FAM222A: variants seen among roughly 807,000 people sequenced by gnomAD.
FAM222A encodes protein FAM222A.
A neutral mutation model predicts 25.8 loss-of-function variants in FAM222A; 7 were observed. The ratio of observed to expected loss-of-function variants is 0.27; its 90% CI spans 0.15 to 0.51. The LOEUF (loss-of-function observed/expected upper bound fraction) is 0.51, where lower values mean the gene tolerates loss of function less well. Among genes scored for constraint, FAM222A ranks in the 20% least tolerant of loss-of-function variants. The probability of loss-of-function intolerance (pLI) is 0.97; values close to 1 mark genes in which losing one functional copy is unlikely to be tolerated. For missense variants in FAM222A, 573 were observed against 640.5 expected, an observed-to-expected ratio of 0.89 and a Z score of 1.14; for synonymous variants, 294 against 298.8, an observed-to-expected ratio of 0.98 and a Z score of 0.17.
intron 1 of FAM222A, among the ~76,000 whole-genome samples, chr12:109,715,617 C>T (rs766097809): frequency 3.3e-5 from 5 of 152,158 alleles, no homozygotes; most frequent in Non-Finnish European, 7.4e-5. Flanking sequence ...AGTCCTCTGA[C>T]CTAAATCCTT....
chr12:109,768,976 G>T lies in FAM222A; in HGVS notation c.1047G>T (p.Trp349Cys). 6.4e-7 allele frequency: 1 copy of T among 1,572,430 alleles called. No homozygotes were observed. The highest frequency in any genetic ancestry group is 1.2e-5 in the South Asian group (1 of 86,942). Residue 349 changes from tryptophan to cysteine, a missense_variant, in exon 3 of 3, where the codon TGG (tryptophan) becomes TGT (cysteine). Around this residue, in one of 3 missense-constraint regions of FAM222A, gnomAD observed 412 missense variants for 407.0 expected, o/e 1.01. Transcript: ENST00000538780. Reference sequence around the variant, plus strand: ...TAGGCCAGTACTTTGCGGCCCCGTGGAACAGTGTGCTGGTGACACCCACCA... The same window carrying T: ...TAGGCCAGTACTTTGCGGCCCCGTGTAACAGTGTGCTGGTGACACCCACCA... ...FTVGQYFAAPWNSVLVTPTSD... is the reference protein window; with the variant it reads ...FTVGQYFAAPCNSVLVTPTSD...
rs1194304014 is a variant in FAM222A, at chr12:109,714,351, G to C, written c.-593G>C. ...GCCGGTGTATGTCCGGCGAGGAGCC[G>C]GGGCCGCTGCGGGTGCGTGCAACCC... On this transcript the variant is annotated 5_prime_UTR_variant, in exon 1 of 3. Transcript: ENST00000538780. The surrounding 1 kb of genome is among the most constrained non-coding windows in gnomAD (Gnocchi z 4.2). 2 of 153,388 alleles carry C rather than the reference G, an allele frequency of 1.3e-5. No individual in the cohort carries two copies. Among genetic ancestry groups the C allele is most frequent in the African/African-American group, 4.8e-5 (2 of 41,430 alleles). 9.5% of individuals were successfully genotyped at this position (153,388 alleles called of 1,614,324 possible). A position where few individuals can be genotyped will look rare whatever the true frequency, so the allele number is the denominator to read the frequency against.
chr12:109,716,484 C>G (rs564927786), intron 1 of FAM222A, among the ~76,000 whole-genome samples: 1 of 152,284 alleles, frequency 6.6e-6, no homozygotes, highest in South Asian at 2.1e-4. Context: ...CAATAAATAT[C>G]GGTGGAGCTG....
intron 1 of FAM222A, among the ~76,000 whole-genome samples, chr12:109,729,489 C>T (rs958158194): frequency 2.0e-5 from 3 of 152,220 alleles, no homozygotes. Flanking sequence ...GGAGGCAGGG[C>T]CTGAGCCCCA....
At position 109,769,177 on chromosome 12, in the gene FAM222A, C is replaced by T. The variant is rs1402273826; in HGVS notation, c.1248C>T (p.Ile416=). ...CACTGGAGTATCTCATCAACGACAT[C>T]CGGCCGCCCTGCATCAAGGAGCAGA... The part of the protein sequence containing the change: ...LQSLEYLIND[I]RPPCIKEQML... Residue 416 remains isoleucine, a synonymous_variant, in exon 3 of 3, where the codon ATC becomes ATT. Transcript: ENST00000538780. 6.2e-7 allele frequency: 1 copy of T among 1,612,562 alleles called. No homozygotes were observed.
At chr12:109,749,822 G>A (rs1177345018) in intron 2 of FAM222A, among the ~76,000 whole-genome samples, 1 of 152,102 alleles carries the variant, frequency 6.6e-6, no homozygotes, top group Non-Finnish European at 1.5e-5. Context: ...AGATAAAATT[G>A]AATCCAGGCC....
chr12:109,720,295 T>C, intron 1 of FAM222A: 1 of 608,648 alleles, frequency 1.6e-6, no homozygotes, highest in Non-Finnish European at 2.1e-6. Flanking sequence ...GGATGGGGAC[T>C]TAATGACGCA....
rs981702619 is a variant in FAM222A at position 109,769,434 on chromosome 12, G to A, written c.*146G>A. On this transcript the variant is annotated 3_prime_UTR_variant, in exon 3 of 3. Transcript: ENST00000538780. ...GGGGAGCCAGGCTGGCTGCCGCCTC[G>A]CTGTGGCCGGATGGAGGGTGGCAGG... 1.2e-4 allele frequency: 125 copies of A among 1,043,084 alleles called. No homozygotes were observed. The South Asian group carries it at 1.9e-3, about 15-fold the overall frequency. The allele number at this position is 1,043,084 out of a possible 1,614,324, so 64.6% of individuals were successfully genotyped here. A position where few individuals can be genotyped will look rare whatever the true frequency, so the allele number is the denominator to read the frequency against.
In FAM222A at chr12:109,726,706, T is replaced by C. The variant is rs369945410; in HGVS notation, c.-47+11809T>C. Among the ~76,000 whole-genome samples the C allele has an allele frequency of 2.0e-3, 311 of 152,202 alleles. 1 individual carries two copies. Among genetic ancestry groups the C allele is most frequent in the African/African-American group, 7.2e-3 (297 of 41,516 alleles). On this transcript the variant is annotated intron_variant, in intron 1 of 2. Coordinates refer to ENST00000538780, the MANE Select transcript of FAM222A (RefSeq NM_032829.3). ...GACCTTGCCGGGTGGAGGGTGAGAA[T>C]GGAGTGGTCTAGAAGCAGGTGCTGT... is the stretch of plus-strand genomic sequence containing the variant.
At chr12:109,751,607 T>A (rs1888561358) in intron 2 of FAM222A, among the ~76,000 whole-genome samples, 1 of 152,204 alleles carries the variant, frequency 6.6e-6, no homozygotes, top group Non-Finnish European at 1.5e-5. Context: ...TATGTGTGCT[T>A]ATTTATCCTC....
At chr12:109,736,291 A>G (rs186280433) in intron 1 of FAM222A, among the ~76,000 whole-genome samples, 18 of 152,096 alleles carry the variant, frequency 1.2e-4, no homozygotes, top group Non-Finnish European at 2.5e-4. Context: ...GCTTTTTCCT[A>G]CTTACCTGTT....
chr12:109,722,578 C>G (rs896651827), intron 1 of FAM222A: 3 of 152,264 alleles, frequency 2.0e-5, no homozygotes, highest in African/African-American at 7.2e-5. Flanking sequence ...CCTCTCCAGG[C>G]AAAGTTGAAC....
At chr12:109,729,094 G>A (rs994785667) in intron 1 of FAM222A, among the ~76,000 whole-genome samples, 102 of 152,250 alleles carry the variant, frequency 6.7e-4, no homozygotes, top group African/African-American at 2.4e-3. Flanking sequence ...TCAGGTACCC[G>A]GGGACCATGC....
intron 1 of FAM222A, among the ~76,000 whole-genome samples, chr12:109,741,057 C>G (rs1389374697): frequency 1.3e-5 from 2 of 152,112 alleles, no homozygotes; most frequent in African/African-American, 2.4e-5. Flanking sequence ...GGGCTGGGCT[C>G]CACGCCGGGG....
chr12:109,762,355 A>G (rs1210618245), intron 2 of FAM222A, among the ~76,000 whole-genome samples: 1 of 152,204 alleles, frequency 6.6e-6, no homozygotes, highest in Non-Finnish European at 1.5e-5. Context: ...GTCAGAACGC[A>G]GTGGCCAGGT....
At chr12:109,758,051 C>T (rs933715088) in intron 2 of FAM222A, among the ~76,000 whole-genome samples, 8 of 152,162 alleles carry the variant, frequency 5.3e-5, no homozygotes, top group African/African-American at 1.7e-4. Flanking sequence ...TAAAGTGTCC[C>T]CAGCCCCACC....
chr12:109,745,477 G>A (rs557342529), intron 2 of FAM222A, among the ~76,000 whole-genome samples: 22 of 152,296 alleles, frequency 1.4e-4, no homozygotes, highest in Non-Finnish European at 1.8e-4. Flanking sequence ...TGGAAATACC[G>A]GGTCAAACGG....
chr12:109,720,132 C>T lies in FAM222A; in HGVS notation c.-47+5235C>T, dbSNP rs983934278. 1.3e-5 allele frequency: 13 copies of T among 985,326 alleles called. No individual in the cohort carries two copies. In the African/African-American group the frequency reaches 1.7e-4, roughly 13 times the overall value. The allele number at this position is 985,326 out of a possible 1,614,324, so 61.0% of individuals were successfully genotyped here. ...GGGTGGGCTGGGCTTGAATACAGGC[C>T]TGGGCCAGTCCTGGCCCCACAGCAA... On this transcript the variant is annotated intron_variant, in intron 1 of 2. Transcript: ENST00000538780.
At chr12:109,722,969 A>G (rs1446598500) in intron 1 of FAM222A, 2 of 108,212 alleles carry the variant, frequency 1.8e-5, no homozygotes, top group Non-Finnish European at 3.5e-5. Context: ...AGCTATTTTT[A>G]TGACTTTTCT....
Sources: gnomAD v4.1 joint callset for allele counts (sites outside exome capture counted in the v4.1 genomes callset) on GRCh38, gnomAD v4.1.1 for gene constraint, gnomAD v4.1.1 regional missense constraint, Gnocchi (gnomAD v3.1) non-coding constraint, MANE v1.5 for transcripts, NCBI Gene and HGNC (gene_info 2026-07-23, HGNC 2026-07-21) for gene names.